SERGEF: variants seen among roughly 807,000 people sequenced by gnomAD.
SERGEF encodes secretion-regulating guanine nucleotide exchange factor.
Under a neutral mutation model 50.0 loss-of-function variants are expected in SERGEF, and 51 were observed. The ratio of observed to expected loss-of-function variants is 1.02; its 90% CI spans 0.81 to 1.29. The LOEUF (loss-of-function observed/expected upper bound fraction) is 1.29, where lower values mean the gene tolerates loss of function less well. SERGEF is among the 50% of genes most tolerant of loss of function. The pLI, the probability that SERGEF is intolerant of heterozygous loss-of-function variation, is 0.00. For missense variants in SERGEF, 521 were observed against 557.0 expected (o/e 0.94, Z 0.65); for synonymous variants, 205 against 212.4 (o/e 0.97, Z 0.30).
chr11:17,899,039 A>C (rs1851697420), intron 9 of SERGEF, among the ~76,000 whole-genome samples: 1 of 152,190 alleles, frequency 6.6e-6, no homozygotes. Flanking sequence ...CCAGCTATCT[A>C]AGACATGCCT....
chr11:17,962,876 G>A (rs1353290560), intron 8 of SERGEF, among the ~76,000 whole-genome samples: 1 of 151,998 alleles, frequency 6.6e-6, no homozygotes, highest in East Asian at 1.9e-4. Context: ...GAGGGGATGA[G>A]CAAAGATACG....
chr11:17,943,117 CTCCTT>C (rs1191357794), intron 9 of SERGEF, among the ~76,000 whole-genome samples: 3 of 151,908 alleles, frequency 2.0e-5, no homozygotes, highest in Non-Finnish European at 2.9e-5. Context: ...GAAGTGTCCC[CTCCTT>C]TATTTTCTGA....
intron 10 of SERGEF, among the ~76,000 whole-genome samples, chr11:17,798,250 T>C (rs1366728698): frequency 6.6e-6 from 1 of 151,986 alleles, no homozygotes; most frequent in Non-Finnish European, 1.5e-5. Flanking sequence ...TCCCTCTACA[T>C]AGGAGGAAAC....
rs558081994 is a variant in SERGEF, at chr11:17,840,942, CTCAA to C, written c.1048+37262_1048+37265del. Among the ~76,000 whole-genome samples, 11 of 152,300 alleles carry C rather than the reference CTCAA, an allele frequency of 7.2e-5. No individual in the cohort carries two copies. In the South Asian group the frequency reaches 2.1e-3, roughly 29 times the overall value. On this transcript the variant is annotated intron_variant, in intron 10 of 10. Coordinates refer to ENST00000265965, the MANE Select transcript of SERGEF (RefSeq NM_012139.4). ...AAGCACACATGTCAAACACAAATAT[CTCAA>C]TCACAGATTTGGAAAAACATCTCAA...
chr11:17,871,929 C>T lies in SERGEF; in HGVS notation c.1048+6279G>A, dbSNP rs560993148. On this transcript the variant is annotated intron_variant, in intron 10 of 10. Coordinates refer to ENST00000265965, the MANE Select transcript of SERGEF (RefSeq NM_012139.4). Reference sequence around the variant, plus strand: ...TAGAATTCCTAGTCTTAATCATGCACCCAAGAGAAATAAATGCACATATCT... The same window carrying T: ...TAGAATTCCTAGTCTTAATCATGCATCCAAGAGAAATAAATGCACATATCT... Among the ~76,000 whole-genome samples, 16 of 152,142 alleles carry T rather than the reference C, an allele frequency of 1.1e-4. No homozygotes were observed. In the South Asian group the frequency reaches 2.9e-3, roughly 28 times the overall value.
Position 17,832,319 on chromosome 11 carries a change from T to C in SERGEF, c.1049-43906A>G, listed in dbSNP as rs754157987. On this transcript the variant is annotated intron_variant, in intron 10 of 10. Coordinates refer to ENST00000265965, the MANE Select transcript of SERGEF (RefSeq NM_012139.4). Reference sequence around the variant, plus strand: ...CATTCCCCTGCACAAGCTCTCTCATTTTTTGCCTGCAACCATGCACATAAC... The same window carrying C: ...CATTCCCCTGCACAAGCTCTCTCATCTTTTGCCTGCAACCATGCACATAAC... Among the ~76,000 whole-genome samples, 81 of 152,198 alleles carry C rather than the reference T, an allele frequency of 5.3e-4. 1 individual carries two copies. The highest frequency in any genetic ancestry group is 8.8e-4 in the Non-Finnish European group (60 of 68,032).
intron 10 of SERGEF, among the ~76,000 whole-genome samples, chr11:17,850,994 T>C (rs534659406): frequency 3.3e-5 from 5 of 152,330 alleles, no homozygotes; most frequent in African/African-American, 1.2e-4. Flanking sequence ...CTATATAACA[T>C]TGGACAACAT....
intron 10 of SERGEF, among the ~76,000 whole-genome samples, chr11:17,861,633 CACAT>C (rs145291957): frequency 2.0e-5 from 3 of 152,376 alleles, no homozygotes; most frequent in African/African-American, 7.2e-5. Context: ...GACCTACTGA[CACAT>C]GCATGCGTGC....
At chr11:17,817,253 C>A (rs573527184) in intron 10 of SERGEF, among the ~76,000 whole-genome samples, 2 of 150,846 alleles carry the variant, frequency 1.3e-5, no homozygotes, top group South Asian at 2.1e-4. Flanking sequence ...CGCTCTGTCG[C>A]CCAGGCTGGA....
Position 17,884,076 on chromosome 11 carries a change from A to G in SERGEF, c.1012-5832T>C, listed in dbSNP as rs961991717. On this transcript the variant is annotated intron_variant, in intron 9 of 10. Coordinates refer to ENST00000265965, the MANE Select transcript of SERGEF (RefSeq NM_012139.4). The surrounding 1 kb of genome is among the most constrained non-coding windows in gnomAD (Gnocchi z 4.6). ...CACCAGCCAGGGGCCGCTTTCCTCTACCAGAGAGGGGTAGCCAGCCGCAGC... is the reference window on the plus strand; with the variant it reads ...CACCAGCCAGGGGCCGCTTTCCTCTGCCAGAGAGGGGTAGCCAGCCGCAGC... 6.6e-6 allele frequency among the ~76,000 whole-genome samples: 1 copy of G among 152,110 alleles called. No individual in the cohort carries two copies. The highest frequency in any genetic ancestry group is 2.4e-5 in the African/African-American group (1 of 41,428).
chr11:17,903,027 T>G (rs965612740), intron 9 of SERGEF, among the ~76,000 whole-genome samples: 2 of 152,222 alleles, frequency 1.3e-5, no homozygotes, highest in African/African-American at 4.8e-5. Flanking sequence ...AAGGATAAAA[T>G]CTGCCATTAG....
At chr11:17,808,091 C>T (rs1849795320) in intron 10 of SERGEF, among the ~76,000 whole-genome samples, 1 of 152,124 alleles carries the variant, frequency 6.6e-6, no homozygotes, top group South Asian at 2.1e-4. Flanking sequence ...CTGAGCAGGA[C>T]CCTCACACTC....
intron 10 of SERGEF, among the ~76,000 whole-genome samples, chr11:17,830,741 A>T (rs1032947157): frequency 6.6e-6 from 1 of 150,432 alleles, no homozygotes; most frequent in African/African-American, 2.4e-5. Flanking sequence ...CCATAACAGC[A>T]TTAGTCCATT....
intron 9 of SERGEF, among the ~76,000 whole-genome samples, chr11:17,931,091 C>A (rs1439556312): frequency 6.6e-6 from 1 of 152,168 alleles, no homozygotes; most frequent in Non-Finnish European, 1.5e-5. Context: ...CAGGCACTCC[C>A]TGAAACAGCT....
chr11:17,915,420 C>A (rs964858879), intron 9 of SERGEF, among the ~76,000 whole-genome samples: 4 of 152,212 alleles, frequency 2.6e-5, no homozygotes, highest in Non-Finnish European at 4.4e-5. Flanking sequence ...GAGATGATCA[C>A]CTAACTGGCC....
chr11:17,980,923 AAC>A (rs1225465277), intron 8 of SERGEF, among the ~76,000 whole-genome samples: 1 of 152,232 alleles, frequency 6.6e-6, no homozygotes, highest in East Asian at 1.9e-4. Context: ...TTATTATGTA[AAC>A]GTATTGGCCA....
At chr11:17,957,080 C>G (rs1393855039) in intron 9 of SERGEF, among the ~76,000 whole-genome samples, 1 of 152,178 alleles carries the variant, frequency 6.6e-6, no homozygotes, top group Non-Finnish European at 1.5e-5. Flanking sequence ...ATCAGAGCGT[C>G]TACACTCCAG....
chr11:17,872,860 G>A (rs1370182175), intron 10 of SERGEF, among the ~76,000 whole-genome samples: 6 of 152,128 alleles, frequency 3.9e-5, no homozygotes, highest in Non-Finnish European at 4.4e-5. Context: ...CAGAAAAATT[G>A]TTGAGAAAAA....
intron 10 of SERGEF, among the ~76,000 whole-genome samples, chr11:17,820,030 G>A (rs1018168834): frequency 6.6e-6 from 1 of 152,036 alleles, no homozygotes; most frequent in African/African-American, 2.4e-5. Flanking sequence ...TTTTTGTAGA[G>A]GCGGGGTTTC....
Sources: allele counts gnomAD v4.1 joint callset (sites outside exome capture counted in the v4.1 genomes callset), GRCh38; gene constraint gnomAD v4.1.1; non-coding constraint Gnocchi (gnomAD v3.1); transcripts MANE v1.5; gene names NCBI Gene and HGNC (gene_info 2026-07-23, HGNC 2026-07-21).